Variants in IPPK observed in about 807,000 individuals in gnomAD.
IPPK encodes inositol-pentakisphosphate 2-kinase.
IPPK carries 22 observed loss-of-function variants against 64.6 expected under a neutral mutation model. That is an observed-to-expected ratio of 0.34 (90% CI 0.24 to 0.49). The LOEUF (loss-of-function observed/expected upper bound fraction) is 0.49, where lower values mean the gene tolerates loss of function less well. Ranked by LOEUF, IPPK falls within the 20% of genes least tolerant of loss-of-function variation. The pLI is 0.99. For synonymous variants in IPPK, 262 were observed against 247.2 expected (o/e 1.06, Z -0.56); for missense variants, 532 against 630.7 (o/e 0.84, Z 1.68).
intron 1 of IPPK, among the ~76,000 whole-genome samples, chr9:92,661,436 C>T (rs1350835974): frequency 6.6e-6 from 1 of 152,286 alleles, no homozygotes; most frequent in African/African-American, 2.4e-5. Context: ...TACTGTGCTG[C>T]CCCCCAGGAG....
intron 11 of IPPK, 48 bp from the exon 12 acceptor site, chr9:92,619,613 C>T (rs79475441): frequency 4.1e-5 from 60 of 1,464,634 alleles, no homozygotes; most frequent in Non-Finnish European, 5.2e-5. Flanking sequence ...GAAGCCTCTG[C>T]CCCCCCACAC....
chr9:92,639,214 AT>A (rs897993663), intron 8 of IPPK, among the ~76,000 whole-genome samples: 2 of 151,788 alleles, frequency 1.3e-5, no homozygotes, highest in Non-Finnish European at 2.9e-5. Flanking sequence ...ACACCCAGCA[AT>A]TTTTTTGATT....
chr9:92,650,016 ACT>A (rs1245675835), intron 4 of IPPK, among the ~76,000 whole-genome samples: 1 of 118,900 alleles, frequency 8.4e-6, no homozygotes, highest in African/African-American at 3.3e-5. Context: ...ACAGAGCAAG[ACT>A]CTGTCTCAAA....
At chr9:92,642,674 C>A (rs1046104420) in intron 7 of IPPK, 78 bp downstream of exon 7, 5 of 1,254,570 alleles carry the variant, frequency 4.0e-6, no homozygotes, top group African/African-American at 1.5e-5. Context: ...CGAAATACCC[C>A]CCACCAGGCA....
intron 11 of IPPK, 125 bp downstream of exon 11, chr9:92,634,261 A>T (rs1851896727): frequency 3.1e-6 from 2 of 649,784 alleles, no homozygotes; most frequent in South Asian, 3.9e-5. Context: ...CTTCTTTTTG[A>T]TCCCAAGTTT....
At chr9:92,654,079 A>G (rs1401969558) in intron 3 of IPPK, among the ~76,000 whole-genome samples, 1 of 152,164 alleles carries the variant, frequency 6.6e-6, no homozygotes, top group Non-Finnish European at 1.5e-5. Flanking sequence ...AGGTCCACAT[A>G]CAGGGCAACG....
chr9:92,644,598 G>C (rs1315525484), intron 6 of IPPK, among the ~76,000 whole-genome samples: 1 of 152,148 alleles, frequency 6.6e-6, no homozygotes, highest in Non-Finnish European at 1.5e-5. Flanking sequence ...ATGGGCATTT[G>C]TCAAAAACAT....
intron 11 of IPPK, among the ~76,000 whole-genome samples, chr9:92,631,587 T>C (rs1851846246): frequency 6.6e-6 from 1 of 152,130 alleles, no homozygotes; most frequent in Non-Finnish European, 1.5e-5. Flanking sequence ...CCTCTTCAGG[T>C]TCAATTACCA....
chr9:92,637,834 TG>T (rs888401029), intron 9 of IPPK, among the ~76,000 whole-genome samples, 166 bp downstream of exon 9: 1 of 152,180 alleles, frequency 6.6e-6, no homozygotes, highest in African/African-American at 2.4e-5. Flanking sequence ...AGTCTGCATC[TG>T]GGGGTGAGAG....
intron 11 of IPPK, among the ~76,000 whole-genome samples, chr9:92,623,600 A>C (rs766024561): frequency 5.3e-5 from 8 of 152,218 alleles, no homozygotes; most frequent in Non-Finnish European, 8.8e-5. Context: ...CAAGAGACTT[A>C]AATTGTGACT....
intron 4 of IPPK, among the ~76,000 whole-genome samples, chr9:92,652,197 C>A (rs1234214328): frequency 6.6e-6 from 1 of 152,000 alleles, no homozygotes; most frequent in African/African-American, 2.4e-5. Context: ...CGCCTATAAT[C>A]CCAGCACTTT....
rs201505908 is a variant in IPPK, at chr9:92,649,475, G to A, written c.392C>T (p.Pro131Leu). The A allele has an allele frequency of 2.1e-5, 34 of 1,613,960 alleles. No homozygotes were observed. Among genetic ancestry groups the A allele is most frequent in the Non-Finnish European group, 2.5e-5 (30 of 1,180,030 alleles). Reference protein sequence around the residue: ...LQTYRFAEHRPILCVEIKPKC... With the variant: ...LQTYRFAEHRLILCVEIKPKC... ...CACCTTAATCTCTACACACAGAATC[G>A]GCCGGTGCTCTGCAAAGCGGTAGGT... The change falls in exon 5 of 13, where the codon CCG becomes CTG. Residue 131 changes from proline to leucine, a missense_variant. Physicochemically the swap from Pro to Leu is moderately conservative, Grantham distance 98. Transcript: ENST00000287996.
At chr9:92,656,809 C>T (rs1005182087) in intron 2 of IPPK, among the ~76,000 whole-genome samples, 5 of 152,194 alleles carry the variant, frequency 3.3e-5, no homozygotes, top group Admixed American at 1.3e-4. Context: ...GCACTGCTGC[C>T]GCCTCCCGTC....
rs151029360 is a variant in IPPK, at chr9:92,669,785, G to A, written c.81+123C>T. The A allele has an allele frequency of 8.5e-3, 5,642 of 663,352 alleles. 51 individuals carry two copies. Among genetic ancestry groups the A allele is most frequent in the Middle Eastern group, 0.024 (90 of 3,798 alleles). 41.1% of individuals were successfully genotyped at this position (663,352 alleles called of 1,614,324 possible). On this transcript the variant is annotated intron_variant, in intron 1 of 12. Coordinates refer to ENST00000287996, the MANE Select transcript of IPPK (RefSeq NM_022755.6). ...GGTGGGGGAATTCCGGAGACCGGCC[G>A]GGGAGGAGGAAGGTACTGGGGGGAC...
In IPPK at chr9:92,649,566, A is replaced by C; in HGVS notation, c.301T>G (p.Cys101Gly). ...CTGAGAGTATCCAGGTCCTTGTCAC[A>C]GCGAGACTCTGGAAAACAGAGCAAG... ...KIQSERPESRCDKDLDTLSGY... is the reference protein window; with the variant it reads ...KIQSERPESRGDKDLDTLSGY... The change falls in exon 5 of 13, where the codon TGT becomes GGT. Residue 101 changes from cysteine (C) to glycine (G), a missense_variant. Physicochemically the swap from Cys to Gly is radical, Grantham distance 159. Coordinates refer to ENST00000287996, the MANE Select transcript of IPPK (RefSeq NM_022755.6). The C allele has an allele frequency of 2.5e-6, 4 of 1,614,088 alleles. No individual in the cohort carries two copies. The highest frequency in any genetic ancestry group is 3.4e-6 in the Non-Finnish European group (4 of 1,179,984).
In IPPK at chr9:92,640,703, C is replaced by A; in HGVS notation, c.636+7G>T. 1 of 1,598,032 alleles carries A rather than the reference C, an allele frequency of 6.3e-7. No individual in the cohort carries two copies. Among genetic ancestry groups the A allele is most frequent in the Non-Finnish European group, 8.6e-7 (1 of 1,165,264 alleles). On this transcript the variant is annotated splice_region_variant and intron_variant, in intron 8 of 12. Transcript: ENST00000287996. ...TGAAACCACCATAGAATCAAAGCAG[C>A]TCTTACCTTAAATATCTTCAAGTTG...
At chr9:92,663,376 C>T (rs1051020521) in intron 1 of IPPK, among the ~76,000 whole-genome samples, 27 of 152,230 alleles carry the variant, frequency 1.8e-4, no homozygotes, top group African/African-American at 6.5e-4. Context: ...CAGGCTCTAC[C>T]ATCTAGGTGT....
intron 11 of IPPK, among the ~76,000 whole-genome samples, chr9:92,633,306 C>T (rs781455410): frequency 2.6e-5 from 4 of 151,234 alleles, no homozygotes; most frequent in East Asian, 1.9e-4. Context: ...CCACCACACC[C>T]GGCCCAGGAT....
At chr9:92,662,089 C>A (rs1312292919) in intron 1 of IPPK, among the ~76,000 whole-genome samples, 1 of 152,224 alleles carries the variant, frequency 6.6e-6, no homozygotes, top group East Asian at 1.9e-4. Flanking sequence ...AGAACCAACA[C>A]CCCAGCAGGC....
Sources: allele counts gnomAD v4.1 joint callset (sites outside exome capture counted in the v4.1 genomes callset), GRCh38; gene constraint gnomAD v4.1.1; transcripts MANE v1.5; gene names NCBI Gene and HGNC (gene_info 2026-07-23, HGNC 2026-07-21).